MBP: variants seen among roughly 807,000 people sequenced by gnomAD.
MBP encodes the protein Golli-MBP.
MBP carries 16 observed loss-of-function variants against 35.8 expected under a neutral mutation model. The observed-to-expected ratio is 0.45, with a 90% CI of 0.30 to 0.68. The LOEUF is 0.68. Ranked by LOEUF, MBP falls within the 30% of genes least tolerant of loss-of-function variation. The pLI is 0.08. For synonymous variants in MBP, 143 were observed against 159.6 expected (o/e 0.90, Z 0.78); for missense variants, 380 against 404.7 (o/e 0.94, Z 0.52).
chr18:77,121,478 G>A (rs1976883729), intron 1 of MBP, among the ~76,000 whole-genome samples: 2 of 152,182 alleles, frequency 1.3e-5, no homozygotes, highest in African/African-American at 4.8e-5. Flanking sequence ...GAAGGCTGCT[G>A]CCAGGCCTCA....
intron 4 of MBP, chr18:77,016,496 A>G: frequency 8.6e-7 from 1 of 1,157,700 alleles, no homozygotes; most frequent in Non-Finnish European, 1.1e-6. Flanking sequence ...GTCCGCAAGC[A>G]CACACCACCA....
At chr18:77,047,577 T>G (rs578074482) in intron 3 of MBP, among the ~76,000 whole-genome samples, 1 of 152,206 alleles carries the variant, frequency 6.6e-6, no homozygotes, top group Admixed American at 6.5e-5. Context: ...TGCACAGTTC[T>G]GGGGATACAC....
chr18:77,083,212 C>T (rs1975049126), intron 2 of MBP, among the ~76,000 whole-genome samples: 1 of 152,144 alleles, frequency 6.6e-6, no homozygotes, highest in South Asian at 2.1e-4. Flanking sequence ...AGTGATCTGC[C>T]CGCCTTGGCC....
At chr18:77,117,787 T>G (rs1272063696) in intron 1 of MBP, among the ~76,000 whole-genome samples, 3 of 21,992 alleles carry the variant, frequency 1.4e-4, no homozygotes, top group East Asian at 1.1e-3. Context: ...TGGGGGTCAG[T>G]GGGTTGGGGT....
chr18:77,088,806 C>G (rs1297696676), intron 2 of MBP, among the ~76,000 whole-genome samples: 3 of 152,132 alleles, frequency 2.0e-5, no homozygotes, highest in Non-Finnish European at 4.4e-5. Flanking sequence ...AATAATATGC[C>G]CAAGTCCTAG....
chr18:76,994,896 G>A (rs1970187558), intron 4 of MBP, among the ~76,000 whole-genome samples: 1 of 152,190 alleles, frequency 6.6e-6, no homozygotes, highest in Non-Finnish European at 1.5e-5. Flanking sequence ...GGTTATAGAT[G>A]CATTGAAGAG....
At chr18:77,060,835 G>A (rs1343013752) in intron 3 of MBP, among the ~76,000 whole-genome samples, 1 of 152,220 alleles carries the variant, frequency 6.6e-6, no homozygotes, top group Admixed American at 6.5e-5. Flanking sequence ...CAGGCACAGA[G>A]AGATGAAGTC....
At chr18:77,059,966 G>GC (rs1301446838) in intron 3 of MBP, among the ~76,000 whole-genome samples, 1 of 152,118 alleles carries the variant, frequency 6.6e-6, no homozygotes, top group Non-Finnish European at 1.5e-5. Flanking sequence ...AAAAATAAAG[G>GC]CCCTAGCCCT....
chr18:77,116,631 T>G (rs572696000), intron 1 of MBP, among the ~76,000 whole-genome samples: 37 of 152,266 alleles, frequency 2.4e-4, no homozygotes, highest in Admixed American at 1.9e-3. Context: ...TTGAAACTCA[T>G]GAGGTTTAGA....
Position 76,989,533 on chromosome 18 carries a change from G to T in MBP, c.681+423C>A, listed in dbSNP as rs1969767886. Among the ~76,000 whole-genome samples the T allele has an allele frequency of 6.6e-6, 1 of 152,172 alleles. No individual in the cohort carries two copies. The highest frequency in any genetic ancestry group is 1.5e-5 in the Non-Finnish European group (1 of 68,034). ...CTGTGCACGCTGTGGGTTTGGACAA[G>T]TGCGTGGTCTTCAGTCACCATGGCA... On this transcript the variant is annotated intron_variant, in intron 5 of 8. Coordinates refer to ENST00000355994, the MANE Select transcript of MBP (RefSeq NM_001025101.2). This position sits in a 1 kb window ranked among gnomAD's most constrained non-coding sequence, Gnocchi z 4.0.
intron 3 of MBP, among the ~76,000 whole-genome samples, chr18:77,025,818 C>A (rs989247092): frequency 2.0e-5 from 3 of 147,938 alleles, no homozygotes; most frequent in African/African-American, 7.5e-5. Flanking sequence ...GTGTGAGAGA[C>A]AAACATCTGG....
intron 3 of MBP, among the ~76,000 whole-genome samples, chr18:77,049,611 T>C (rs763310242): frequency 2.7e-4 from 41 of 152,208 alleles, no homozygotes; most frequent in Admixed American, 8.5e-4. Flanking sequence ...ATCATTCCTT[T>C]TGGTCACATG....
Position 76,988,767 on chromosome 18 carries a change from G to C in MBP, c.717+110C>G. On this transcript the variant is annotated intron_variant, in intron 6 of 8. Transcript: ENST00000355994. The surrounding 1 kb of genome is among the most constrained non-coding windows in gnomAD (Gnocchi z 5.2). ...TGGGAGCTGCCTGGCAACACGTTTT[G>C]GGATGGATTCTGGTAGCTCGGAGCC... 1 of 1,399,664 alleles carries C rather than the reference G, an allele frequency of 7.1e-7. No homozygotes were observed. Among genetic ancestry groups the C allele is most frequent in the Non-Finnish European group, 9.8e-7 (1 of 1,015,472 alleles). 86.7% of individuals were successfully genotyped at this position (1,399,664 alleles called of 1,614,324 possible).
At chr18:77,122,400 A>C (rs1047758791) in intron 1 of MBP, among the ~76,000 whole-genome samples, 1 of 152,218 alleles carries the variant, frequency 6.6e-6, no homozygotes, top group African/African-American at 2.4e-5. Flanking sequence ...TCCCAGCTAG[A>C]GTCTCAGCTA....
chr18:77,037,741 C>T (rs1235685110), intron 3 of MBP, among the ~76,000 whole-genome samples: 2 of 152,208 alleles, frequency 1.3e-5, no homozygotes, highest in Non-Finnish European at 2.9e-5. Context: ...GATGAAGCTG[C>T]TCTGTGCAGC....
Position 77,045,548 on chromosome 18 carries a change from A to G in MBP, c.139+20750T>C, listed in dbSNP as rs184350733. The stretch of plus-strand genomic sequence containing the variant: ...TGCATGTGTCTCCGACAATGTCCTA[A>G]GGAAGGCACCTGCACTGCCAACACC... On this transcript the variant is annotated intron_variant, in intron 3 of 8. Transcript: ENST00000355994. Among the ~76,000 whole-genome samples the G allele has an allele frequency of 2.9e-4, 43 of 150,530 alleles. No homozygotes were observed. In the East Asian group the frequency reaches 6.7e-3, roughly 23 times the overall value.
chr18:77,018,409 A>G (rs1166803011), intron 3 of MBP, among the ~76,000 whole-genome samples: 1 of 82,876 alleles, frequency 1.2e-5, no homozygotes, highest in Non-Finnish European at 3.3e-5. Flanking sequence ...TCATCCATCC[A>G]CCCACCCACC....
At chr18:77,014,685 T>G (rs1971530815) in intron 4 of MBP, 4 of 985,428 alleles carry the variant, frequency 4.1e-6, no homozygotes, top group Non-Finnish European at 4.8e-6. Flanking sequence ...TAAGCTTTCA[T>G]CTCCCATGTT....
chr18:77,058,821 G>A lies in MBP; in HGVS notation c.139+7477C>T, dbSNP rs575224908. On this transcript the variant is annotated intron_variant, in intron 3 of 8. Transcript: ENST00000355994. ...GCAGCCTGGAGAAGGCCACTGCCAG[G>A]CCTTTAGTTTCCAGAGACGCTGCAG... is the stretch of plus-strand genomic sequence containing the variant. Among the ~76,000 whole-genome samples, 55 of 152,372 alleles carry A rather than the reference G, an allele frequency of 3.6e-4. No homozygotes were observed. In the South Asian group the frequency reaches 0.01, roughly 29 times the overall value.
Sources: allele counts gnomAD v4.1 joint callset (sites outside exome capture counted in the v4.1 genomes callset), GRCh38; gene constraint gnomAD v4.1.1; non-coding constraint Gnocchi (gnomAD v3.1); transcripts MANE v1.5; gene names NCBI Gene and HGNC (gene_info 2026-07-23, HGNC 2026-07-21).